FAM186A: variants seen among roughly 807,000 people sequenced by gnomAD.
The protein encoded by FAM186A is protein FAM186A.
In FAM186A, 163 loss-of-function variants were observed where a neutral mutation model predicts 216.8. The ratio of observed to expected loss-of-function variants is 0.75; its 90% confidence interval spans 0.66 to 0.86. FAM186A has a LOEUF of 0.86. Among genes scored for constraint, FAM186A ranks in the 40% least tolerant of loss-of-function variants. The pLI is 0.00. For missense variants in FAM186A, 2,184 were observed against 2,746.2 expected (o/e 0.80, Z 4.58); for synonymous variants, 805 against 1,025.3 (o/e 0.79, Z 4.10).
chr12:50,377,571 G>A (rs890333546), intron 1 of FAM186A, among the ~76,000 whole-genome samples: 1 of 152,120 alleles, frequency 6.6e-6, no homozygotes, highest in Non-Finnish European at 1.5e-5. Context: ...AGTGGCTCAC[G>A]CCTGTAATCC....
Position 50,355,349 on chromosome 12 carries a change from C to G in FAM186A, c.1483G>C (p.Glu495Gln). The change falls in exon 4 of 8, where the codon GAG (glutamate) becomes CAG (glutamine). Residue 495 changes from glutamate to glutamine, a missense_variant. Glu to Gln is a conservative substitution (Grantham distance 29). Coordinates refer to ENST00000327337, the MANE Select transcript of FAM186A (RefSeq NM_001145475.3). Reference sequence around the variant, plus strand: ...CTTTTCTTTTTCAGTACTTGTAGCTCATAGTATTGACTAGGTTTGGCCTCT... The same window carrying G: ...CTTTTCTTTTTCAGTACTTGTAGCTGATAGTATTGACTAGGTTTGGCCTCT... ...VSEAKPSQYY[E>Q]LQVLKKKRKE... 1 of 1,551,106 alleles carries G rather than the reference C, an allele frequency of 6.4e-7. No individual in the cohort carries two copies. Among genetic ancestry groups the G allele is most frequent in the Non-Finnish European group, 8.7e-7 (1 of 1,146,904 alleles).
At chr12:50,380,521 CAAAAAAAAAAA>C (rs60955395) in intron 1 of FAM186A, among the ~76,000 whole-genome samples, 7 of 76,442 alleles carry the variant, frequency 9.2e-5, no homozygotes, top group African/African-American at 2.8e-4. Context: ...ACTAAAAATA[CAAAAAAAAAAA>C]AAAAAAAAAA....
chr12:50,354,690 T>C lies in FAM186A; in HGVS notation c.2142A>G (p.Ile714Met), dbSNP rs569327163. Residue 714 changes from isoleucine to methionine, a missense_variant, in exon 4 of 8, where the codon ATA (isoleucine) becomes ATG (methionine). Ile to Met is a conservative substitution (Grantham distance 10). Around this residue, in one of 7 missense-constraint regions of FAM186A, gnomAD observed 1,132 missense variants for 1,263.4 expected, o/e 0.90. Coordinates refer to ENST00000327337, the MANE Select transcript of FAM186A (RefSeq NM_001145475.3). ...KRAEAEKLGI[I>M]KAKMEEYFQK... is the part of the protein sequence containing the mutation. ...GGAAATATTCCTCCATTTTTGCCTT[T>C]ATGATTCCTAATTTTTCAGCTTCTG... 9.7e-6 allele frequency: 15 copies of C among 1,549,180 alleles called. No individual in the cohort carries two copies. Among genetic ancestry groups the C allele is most frequent in the Non-Finnish European group, 1.1e-5 (13 of 1,146,570 alleles).
rs191959947 is a variant in FAM186A, at chr12:50,342,586, G to A, written c.6503+7743C>T. On this transcript the variant is annotated intron_variant, in intron 4 of 7. Transcript: ENST00000327337. ...GCCTCCTGGGTTCAAGTGATTTTCC[G>A]GCCTCAGCCTCCCGAGTAGCTGGGA... Among the ~76,000 whole-genome samples the A allele has an allele frequency of 7.1e-3, 1,059 of 149,972 alleles. 4 individuals carry two copies. Among genetic ancestry groups the A allele is most frequent in the Middle Eastern group, 0.017 (5 of 288 alleles).
At chr12:50,364,673 G>A (rs189412350) in intron 1 of FAM186A, among the ~76,000 whole-genome samples, 110 of 152,092 alleles carry the variant, frequency 7.2e-4, no homozygotes, top group African/African-American at 2.6e-3. Flanking sequence ...AGACCAAAGC[G>A]GGAGGATCTC....
At chr12:50,349,806 C>T (rs1942857238) in intron 4 of FAM186A, among the ~76,000 whole-genome samples, 1 of 152,092 alleles carries the variant, frequency 6.6e-6, no homozygotes, top group South Asian at 2.1e-4. Context: ...TGCACGCAAC[C>T]ATGCCTGTCT....
At chr12:50,357,456 C>T (rs191096693) in intron 3 of FAM186A, among the ~76,000 whole-genome samples, 3 of 142,650 alleles carry the variant, frequency 2.1e-5, no homozygotes, top group East Asian at 2.1e-4. Context: ...GAGCCGAGAT[C>T]ACACCACTGT....
chr12:50,392,371 C>A (rs750305844), intron 1 of FAM186A: 1 of 152,292 alleles, frequency 6.6e-6, no homozygotes, highest in Non-Finnish European at 1.5e-5. Flanking sequence ...TCCTCCTTTC[C>A]GGGTTCATGC....
chr12:50,374,109 C>T (rs1397212458), intron 1 of FAM186A, among the ~76,000 whole-genome samples: 1 of 135,162 alleles, frequency 7.4e-6, no homozygotes, highest in Non-Finnish European at 1.5e-5. Context: ...AATGAGAACA[C>T]ATGGACACAG....
rs1349014781 is a variant in FAM186A, at chr12:50,354,505, C to T, written c.2327G>A (p.Ser776Asn). The change falls in exon 4 of 8, where the codon AGT becomes AAT. Residue 776 changes from serine to asparagine, a missense_variant. Ser to Asn is a conservative substitution (Grantham distance 46, BLOSUM62 1). Transcript: ENST00000327337. ...KSPISAKSES[S>N]TLLSYESTDP... is the part of the protein sequence containing the mutation. ...TGTGCTCTCATATGAGAGGAGGGTA[C>T]TGCTTTCAGATTTTGCACTAATTGG... 2 of 1,551,544 alleles carry T rather than the reference C, an allele frequency of 1.3e-6. No homozygotes were observed. The highest frequency in any genetic ancestry group is 2.4e-5 in the East Asian group (1 of 40,930).
At chr12:50,394,799 G>A (rs1378704888) in intron 1 of FAM186A, among the ~76,000 whole-genome samples, 1 of 130,954 alleles carries the variant, frequency 7.6e-6, no homozygotes, top group Non-Finnish European at 1.5e-5. Context: ...GGAATGTAGT[G>A]GCACAATCTA....
intron 1 of FAM186A, among the ~76,000 whole-genome samples, chr12:50,386,895 C>A (rs1297281299): frequency 6.6e-6 from 1 of 150,878 alleles, no homozygotes; most frequent in Admixed American, 6.6e-5. Flanking sequence ...AAAAAAAATT[C>A]AACTTATGAT....
At chr12:50,381,857 G>C (rs915836522) in intron 1 of FAM186A, among the ~76,000 whole-genome samples, 1 of 152,012 alleles carries the variant, frequency 6.6e-6, no homozygotes, top group African/African-American at 2.4e-5. Flanking sequence ...CTACTGAAGG[G>C]GCTGAGGTGG....
chr12:50,384,223 G>A (rs1244694268), intron 1 of FAM186A, among the ~76,000 whole-genome samples: 2 of 152,016 alleles, frequency 1.3e-5, no homozygotes, highest in Non-Finnish European at 1.5e-5. Flanking sequence ...GGTTACTTGA[G>A]GCCAGAGTTC....
At chr12:50,365,909 G>A in intron 1 of FAM186A, 1 of 763,076 alleles carries the variant, frequency 1.3e-6, no homozygotes, top group Non-Finnish European at 2.4e-6. Flanking sequence ...AACGGGTGCA[G>A]TGGAAAAAGG....
intron 1 of FAM186A, among the ~76,000 whole-genome samples, chr12:50,383,510 C>T (rs1020009590): frequency 6.6e-6 from 1 of 151,898 alleles, no homozygotes; most frequent in African/African-American, 2.4e-5. Context: ...GCAGAAGAAT[C>T]ACTAGAACCC....
Position 50,354,473 on chromosome 12 carries a change from C to G in FAM186A, c.2359G>C (p.Val787Leu), listed in dbSNP as rs1354962562. 6.4e-7 allele frequency: 1 copy of G among 1,551,568 alleles called. No individual in the cohort carries two copies. Residue 787 changes from valine (V) to leucine (L), a missense_variant, in exon 4 of 8, where the codon GTA becomes CTA. By Grantham distance (32) the Val-to-Leu change is conservative. This residue lies in a region of FAM186A where 1,132 missense variants were observed against 1,263.4 expected (regional missense o/e 0.90). Transcript: ENST00000327337. ...TLLSYESTDPVINNLIQMILA... is the reference protein window; with the variant it reads ...TLLSYESTDPLINNLIQMILA... ...ATCATTTGTATTAAATTGTTAATTACTGGATCTGTGCTCTCATATGAGAGG... is the reference window on the plus strand; with the variant it reads ...ATCATTTGTATTAAATTGTTAATTAGTGGATCTGTGCTCTCATATGAGAGG...
chr12:50,352,730 C>T lies in FAM186A; in HGVS notation c.4102G>A (p.Ala1368Thr), dbSNP rs1424547533. 1 of 1,517,084 alleles carries T rather than the reference C, an allele frequency of 6.6e-7. No individual in the cohort carries two copies. The highest frequency in any genetic ancestry group is 1.2e-5 in the South Asian group (1 of 80,140). The allele number at this position is 1,517,084 out of a possible 1,614,324, so 94.0% of individuals were successfully genotyped here. Residue 1368 changes from alanine (A) to threonine (T), a missense_variant, in exon 4 of 8, where the codon GCT becomes ACT. Coordinates refer to ENST00000327337, the MANE Select transcript of FAM186A (RefSeq NM_001145475.3). ...ELGIPLTPQH[A>T]QALGMPLTTQ... The stretch of plus-strand genomic sequence containing the variant: ...GTGAGAGGCATCCCCAAGGCCTGAG[C>T]GTGCTGAGGGGTGAGAGGGATCCCC...
At chr12:50,343,320 G>A (rs1194273234) in intron 4 of FAM186A, among the ~76,000 whole-genome samples, 1 of 152,136 alleles carries the variant, frequency 6.6e-6, no homozygotes, top group Non-Finnish European at 1.5e-5. Context: ...GTGATTACAA[G>A]CATAAGCCAC....
Sources: allele counts gnomAD v4.1 joint callset (sites outside exome capture counted in the v4.1 genomes callset), GRCh38; gene constraint gnomAD v4.1.1; regional missense constraint gnomAD v4.1.1; transcripts MANE v1.5; gene names NCBI Gene and HGNC (gene_info 2026-07-23, HGNC 2026-07-21).